ANKRD36: variants seen among roughly 807,000 people sequenced by gnomAD.
ANKRD36 encodes the protein ankyrin repeat domain-containing protein 36A.
Under a neutral mutation model 278.1 loss-of-function variants are expected in ANKRD36, and 179 were observed. The observed-to-expected ratio is 0.64, with a 90% CI of 0.57 to 0.73. ANKRD36 has a LOEUF of 0.73. ANKRD36 is among the 30% of genes least tolerant of loss of function. The pLI, the probability that ANKRD36 is intolerant of heterozygous loss-of-function variation, is 0.00. For synonymous variants in ANKRD36, 320 were observed against 641.1 expected (o/e 0.50, Z 7.57); for missense variants, 1,159 against 1,956.7 (o/e 0.59, Z 7.69).
intron 22 of ANKRD36, among the ~76,000 whole-genome samples, chr2:97,172,747 A>G (rs1471515360): frequency 2.6e-5 from 4 of 152,028 alleles, no homozygotes; most frequent in African/African-American, 9.6e-5. Context: ...ATCCCTATAG[A>G]GTGTTCCCAG....
At chr2:97,123,094 A>G (rs1278590175) in intron 4 of ANKRD36, 101 bp downstream of exon 4, 1 of 976,324 alleles carries the variant, frequency 1.0e-6, no homozygotes, top group Non-Finnish European at 1.4e-6. Flanking sequence ...TAAGAAGACT[A>G]ACTTGTAATT....
chr2:97,175,438 T>A (rs1235869289), intron 22 of ANKRD36, among the ~76,000 whole-genome samples: 2 of 151,982 alleles, frequency 1.3e-5, no homozygotes, highest in Admixed American at 6.6e-5. Flanking sequence ...TATTCTCTGA[T>A]GGTAGTTTAT....
intron 28 of ANKRD36, among the ~76,000 whole-genome samples, 186 bp from the exon 29 acceptor site, chr2:97,185,130 T>C (rs2057122306): frequency 6.6e-6 from 1 of 151,828 alleles, no homozygotes; most frequent in Non-Finnish European, 1.5e-5. Flanking sequence ...TAAGGGTTTA[T>C]TTTGTGAAAC....
intron 66 of ANKRD36, among the ~76,000 whole-genome samples, chr2:97,221,945 TG>T (rs140042592): frequency 0.13 from 18,358 of 144,262 alleles, 91 homozygotes; most frequent in Middle Eastern, 0.23. Context: ...CATCTTGAAT[TG>T]ATTTTTGTAT....
At chr2:97,141,395 AGCTGAACT>A (rs2042881361) in intron 6 of ANKRD36, among the ~76,000 whole-genome samples, 1 of 139,742 alleles carries the variant, frequency 7.2e-6, no homozygotes, top group Non-Finnish European at 1.5e-5. Context: ...ATGGCAAAAG[AGCTGAACT>A]GCTGAATCCG....
chr2:97,114,180 C>T (rs1334716418), intron 1 of ANKRD36, among the ~76,000 whole-genome samples: 2 of 79,430 alleles, frequency 2.5e-5, no homozygotes, highest in Middle Eastern at 0.011. Context: ...GGGGTGGGGG[C>T]GTGAATGGGC....
chr2:97,170,646 G>A (rs972478563), intron 22 of ANKRD36, among the ~76,000 whole-genome samples: 9 of 151,884 alleles, frequency 5.9e-5, no homozygotes, highest in African/African-American at 2.2e-4. Flanking sequence ...GCATGGGCAA[G>A]GACTTCATGT....
chr2:97,128,090 G>A lies in ANKRD36; in HGVS notation c.799+956G>A, dbSNP rs1447208040. Among the ~76,000 whole-genome samples the A allele has an allele frequency of 2.0e-5, 3 of 151,786 alleles. No individual in the cohort carries two copies. The Admixed American group carries it at 2.0e-4, about 10-fold the overall frequency. On this transcript the variant is annotated intron_variant, in intron 6 of 75. Transcript: ENST00000420699. ...GTACTGGCCTTTATACTGCACACAA[G>A]AAAGGAGTAGGACGTGTTCACTGAA...
chr2:97,233,791 TC>T lies in ANKRD36; in HGVS notation c.4014del (p.Ser1339GlnfsTer23), dbSNP rs1437608370. The T allele has an allele frequency of 6.7e-7, 1 of 1,491,774 alleles. No homozygotes were observed. Among genetic ancestry groups the T allele is most frequent in the African/African-American group, 1.5e-5 (1 of 68,090 alleles). The allele number at this position is 1,491,774 out of a possible 1,614,324, so 92.4% of individuals were successfully genotyped here. On this transcript the variant is annotated frameshift_variant, in exon 68 of 76. Coordinates refer to ENST00000420699, the MANE Select transcript of ANKRD36 (RefSeq NM_001354587.1). LOFTEE classifies it high-confidence loss of function. ...LDDIIQSSQT[V>X]SEDGDSLCCN... is the part of the protein sequence containing the mutation. Reference sequence around the variant, plus strand: ...GACATAATTCAGTCATCTCAAACAGTCTCAGAGGACGGTGACTCGCTTTGCT... The same window carrying T: ...GACATAATTCAGTCATCTCAAACAGTTCAGAGGACGGTGACTCGCTTTGCT...
intron 67 of ANKRD36, among the ~76,000 whole-genome samples, chr2:97,227,586 C>T (rs1272953956): frequency 6.6e-6 from 1 of 152,098 alleles, no homozygotes; most frequent in Non-Finnish European, 1.5e-5. Context: ...GACAATTTGA[C>T]TTCCTCTTTT....
intron 22 of ANKRD36, among the ~76,000 whole-genome samples, chr2:97,171,601 A>T (rs1388232803): frequency 1.4e-5 from 2 of 139,826 alleles, no homozygotes; most frequent in East Asian, 4.4e-4. Context: ...ACCTAATGCT[A>T]GATGACGAGT....
chr2:97,177,432 A>G lies in ANKRD36; in HGVS notation c.1634-2306A>G, dbSNP rs575481118. 8.6e-3 allele frequency among the ~76,000 whole-genome samples: 1,314 copies of G among 152,072 alleles called. 24 individuals are homozygous for G. The highest frequency in any genetic ancestry group is 0.03 in the African/African-American group (1,251 of 41,542). On this transcript the variant is annotated intron_variant, in intron 22 of 75. Transcript: ENST00000420699. ...ACACTACCTGACTTCAAACTATACTACAAGGCTACAGTAACCAAAACAGCA... is the reference window on the plus strand; with the variant it reads ...ACACTACCTGACTTCAAACTATACTGCAAGGCTACAGTAACCAAAACAGCA...
At chr2:97,190,220 T>G (rs2058211891) in intron 34 of ANKRD36, among the ~76,000 whole-genome samples, 1 of 95,554 alleles carries the variant, frequency 1.0e-5, no homozygotes, top group African/African-American at 2.6e-5. Flanking sequence ...GAAAAACTGA[T>G]TAATATCTAA....
At chr2:97,208,924 T>C (rs1207895290) in intron 54 of ANKRD36, among the ~76,000 whole-genome samples, 5 of 146,784 alleles carry the variant, frequency 3.4e-5, no homozygotes, top group African/African-American at 1.3e-4. Flanking sequence ...GAAAAGCTGA[T>C]TAATATCTAA....
At chr2:97,136,759 G>A (rs2041613603) in intron 6 of ANKRD36, among the ~76,000 whole-genome samples, 1 of 151,932 alleles carries the variant, frequency 6.6e-6, no homozygotes, top group Non-Finnish European at 1.5e-5. Flanking sequence ...GGGGACTGCT[G>A]TTCTAGCTGC....
Position 97,154,674 on chromosome 2 carries a change from G to C in ANKRD36, c.1194-1G>C. Reference sequence around the variant, plus strand: ...TTTTGTAATATCTTTTTGCTCTGTAGGTGTCTCTACCTACTGGACCGTTTT... The same window carrying C: ...TTTTGTAATATCTTTTTGCTCTGTACGTGTCTCTACCTACTGGACCGTTTT... On this transcript the variant is annotated splice_acceptor_variant, in intron 14 of 75. Coordinates refer to ENST00000420699, the MANE Select transcript of ANKRD36 (RefSeq NM_001354587.1). LOFTEE classifies it high-confidence loss of function. The C allele has an allele frequency of 6.7e-7, 1 of 1,485,104 alleles. No individual in the cohort carries two copies. Among genetic ancestry groups the C allele is most frequent in the Non-Finnish European group, 9.1e-7 (1 of 1,104,664 alleles). The allele number at this position is 1,485,104 out of a possible 1,614,324, so 92.0% of individuals were successfully genotyped here.
chr2:97,116,823 A>T (rs1439028148), intron 1 of ANKRD36, among the ~76,000 whole-genome samples: 1 of 152,070 alleles, frequency 6.6e-6, no homozygotes, highest in Non-Finnish European at 1.5e-5. Context: ...GCACTGCTTT[A>T]ATTTATAGTT....
At chr2:97,135,146 A>C (rs2041170142) in intron 6 of ANKRD36, among the ~76,000 whole-genome samples, 1 of 151,946 alleles carries the variant, frequency 6.6e-6, no homozygotes, top group African/African-American at 2.4e-5. Flanking sequence ...GTTTTCATAG[A>C]TCTAGATTTT....
In ANKRD36 at chr2:97,118,398, A is replaced by T. The variant is rs2443937; in HGVS notation, c.367A>T (p.Asn123Tyr). ...AACTCTTCTGCTGCAAAATGGCGCCAATCCAAATATTACGGATTTCTTTGG... is the reference window on the plus strand; with the variant it reads ...AACTCTTCTGCTGCAAAATGGCGCCTATCCAAATATTACGGATTTCTTTGG... ...CATLLLQNGA[N>Y]PNITDFFGRT... Residue 123 changes from asparagine to tyrosine, a missense_variant, in exon 3 of 76, where the codon AAT becomes TAT. Coordinates refer to ENST00000420699, the MANE Select transcript of ANKRD36 (RefSeq NM_001354587.1). 2.9e-4 allele frequency: 468 copies of T among 1,597,878 alleles called. 10 individuals are homozygous for T. In the East Asian group the frequency reaches 7.6e-3, roughly 26 times the overall value.
Sources: gnomAD v4.1 joint callset for allele counts (sites outside exome capture counted in the v4.1 genomes callset) on GRCh38, gnomAD v4.1.1 for gene constraint, MANE v1.5 for transcripts, NCBI Gene and HGNC (gene_info 2026-07-23, HGNC 2026-07-21) for gene names.